Variants in EPHB2 observed in about 807,000 individuals in gnomAD.
EPHB2 encodes EPH receptor B2, also known as ephrin type-B receptor 2.
EPHB2 carries 18 observed loss-of-function variants against 96.4 expected under a neutral mutation model. The observed-to-expected ratio is 0.19, with a 90% CI of 0.13 to 0.28. The LOEUF is 0.28. Among genes scored for constraint, EPHB2 ranks in the 10% least tolerant of loss-of-function variants. The pLI, the probability that EPHB2 is intolerant of heterozygous loss-of-function variation, is 1.00. For missense variants in EPHB2, 989 were observed against 1,355.4 expected, an observed-to-expected ratio of 0.73 and a Z score of 4.25; for synonymous variants, 506 against 534.1, an observed-to-expected ratio of 0.95 and a Z score of 0.72.
At chr1:22,785,503 G>A (rs998001202) in intron 3 of EPHB2, among the ~76,000 whole-genome samples, 14 of 152,234 alleles carry the variant, frequency 9.2e-5, no homozygotes, top group South Asian at 4.1e-4. Flanking sequence ...AGACAATGCT[G>A]AAGTGACCAA....
At chr1:22,832,961 ATG>A (rs1214155357) in intron 3 of EPHB2, among the ~76,000 whole-genome samples, 1 of 152,126 alleles carries the variant, frequency 6.6e-6, no homozygotes, top group East Asian at 1.9e-4. Context: ...GACAGGGAGA[ATG>A]TTCTGGAACA....
rs1388127143 is a variant in EPHB2, at chr1:22,858,328, G to A, written c.812-4709G>A. ...TATTCTAAGTGCAGTGGGGATAAAT[G>A]GTGCACGAGGGAGTTTAGACAAGAT... On this transcript the variant is annotated intron_variant, in intron 3 of 15. Transcript: ENST00000374630. This position sits in a 1 kb window ranked among gnomAD's most constrained non-coding sequence, Gnocchi z 7.7. Among the ~76,000 whole-genome samples, 1 of 152,128 alleles carries A rather than the reference G, an allele frequency of 6.6e-6. No homozygotes were observed. The highest frequency in any genetic ancestry group is 2.1e-4 in the South Asian group (1 of 4,822).
chr1:22,781,019 G>A lies in EPHB2; in HGVS notation c.62-402G>A, dbSNP rs527312764. ...CGGGGCTCTCAGTAAAGAAGGATGA[G>A]GGCCCGGCCGTGAGGGTCTGGCCGG... On this transcript the variant is annotated intron_variant, in intron 1 of 15. Coordinates refer to ENST00000374630, the MANE Select transcript of EPHB2 (RefSeq NM_017449.5). Among the ~76,000 whole-genome samples the A allele has an allele frequency of 2.0e-5, 3 of 152,192 alleles. No homozygotes were observed. The South Asian group carries it at 6.2e-4, about 32-fold the overall frequency.
intron 3 of EPHB2, among the ~76,000 whole-genome samples, chr1:22,797,286 T>C (rs1017302259): frequency 1.3e-5 from 2 of 152,138 alleles, no homozygotes; most frequent in Non-Finnish European, 2.9e-5. Flanking sequence ...AGGCCTCCAG[T>C]GATGTCCATG....
chr1:22,840,231 G>C, intron 3 of EPHB2, among the ~76,000 whole-genome samples: 1 of 152,186 alleles, frequency 6.6e-6, no homozygotes, highest in South Asian at 2.1e-4. Flanking sequence ...AAAGCCTCTA[G>C]CGTGGTGTGT....
chr1:22,736,762 CT>C (rs1295096663), intron 1 of EPHB2, among the ~76,000 whole-genome samples: 2 of 152,190 alleles, frequency 1.3e-5, no homozygotes, highest in Admixed American at 1.3e-4. Context: ...AGAGAGGAGC[CT>C]TTTTTTCCCA....
At chr1:22,740,523 A>G (rs913566792) in intron 1 of EPHB2, among the ~76,000 whole-genome samples, 1 of 152,098 alleles carries the variant, frequency 6.6e-6, no homozygotes, top group African/African-American at 2.4e-5. Flanking sequence ...GCATTGAGTA[A>G]GCATGCCCTC....
intron 3 of EPHB2, among the ~76,000 whole-genome samples, chr1:22,844,968 G>C (rs1367502966): frequency 2.0e-5 from 3 of 152,212 alleles, no homozygotes; most frequent in Admixed American, 2.0e-4. Flanking sequence ...TGTGCTCCTG[G>C]CCAGGCCACT....
intron 1 of EPHB2, among the ~76,000 whole-genome samples, chr1:22,768,859 T>C (rs1644341936): frequency 6.6e-6 from 1 of 152,086 alleles, no homozygotes; most frequent in Non-Finnish European, 1.5e-5. Context: ...CTCCTGGTGC[T>C]TCCTCTTTCC....
chr1:22,907,328 G>T (rs910972771), intron 11 of EPHB2, among the ~76,000 whole-genome samples: 7 of 152,144 alleles, frequency 4.6e-5, no homozygotes, highest in African/African-American at 1.7e-4. Flanking sequence ...TCACCCAGAG[G>T]GTCAAGATGA....
intron 1 of EPHB2, among the ~76,000 whole-genome samples, chr1:22,752,765 A>T (rs1281406008): frequency 2.0e-5 from 3 of 151,670 alleles, no homozygotes; most frequent in South Asian, 2.1e-4. Context: ...TTATACTTAC[A>T]CGTACACACA....
chr1:22,715,075 C>T (rs923729514), intron 1 of EPHB2, among the ~76,000 whole-genome samples: 7 of 152,114 alleles, frequency 4.6e-5, no homozygotes, highest in Admixed American at 1.3e-4. Context: ...CCCAGCCATG[C>T]GGGTGCTCAG....
rs920847046 is a variant in EPHB2, at chr1:22,790,548, C to G, written c.811+5472C>G. 6.6e-6 allele frequency among the ~76,000 whole-genome samples: 1 copy of G among 152,154 alleles called. No individual in the cohort carries two copies. Among genetic ancestry groups the G allele is most frequent in the African/African-American group, 2.4e-5 (1 of 41,440 alleles). On this transcript the variant is annotated intron_variant, in intron 3 of 15. Coordinates refer to ENST00000374630, the MANE Select transcript of EPHB2 (RefSeq NM_017449.5). The surrounding 1 kb of genome is among the most constrained non-coding windows in gnomAD (Gnocchi z 4.0). ...AGGTGTGATTGTGAATGTTCCCCTGCCCCAGTTTCTCCAAGCCTGCCTGTC... is the reference window on the plus strand; with the variant it reads ...AGGTGTGATTGTGAATGTTCCCCTGGCCCAGTTTCTCCAAGCCTGCCTGTC...
rs1035909113 is a variant in EPHB2, at chr1:22,875,322, G to A, written c.1304-7037G>A. Reference sequence around the variant, plus strand: ...GGGAATTCTAAGAGTCCCGTCCCAAGTAAACTGTCCCTGCTACAGACCCTG... The same window carrying A: ...GGGAATTCTAAGAGTCCCGTCCCAAATAAACTGTCCCTGCTACAGACCCTG... On this transcript the variant is annotated intron_variant, in intron 5 of 15. Coordinates refer to ENST00000374630, the MANE Select transcript of EPHB2 (RefSeq NM_017449.5). This position sits in a 1 kb window ranked among gnomAD's most constrained non-coding sequence, Gnocchi z 4.2. Among the ~76,000 whole-genome samples, 3 of 152,224 alleles carry A rather than the reference G, an allele frequency of 2.0e-5. No individual in the cohort carries two copies. The highest frequency in any genetic ancestry group is 4.4e-5 in the Non-Finnish European group (3 of 68,040).
intron 9 of EPHB2, among the ~76,000 whole-genome samples, chr1:22,901,039 G>A (rs1405515260): frequency 6.6e-6 from 1 of 152,222 alleles, no homozygotes; most frequent in Non-Finnish European, 1.5e-5. Flanking sequence ...CCTCGGGGAA[G>A]CCATCAAACC....
intron 1 of EPHB2, among the ~76,000 whole-genome samples, chr1:22,744,517 T>C (rs1570193610): frequency 6.7e-6 from 1 of 148,516 alleles, no homozygotes. Context: ...AGAGAAAAAA[T>C]ATTATGAAAA....
intron 3 of EPHB2, among the ~76,000 whole-genome samples, chr1:22,787,064 G>A (rs947853057): frequency 2.6e-5 from 4 of 152,228 alleles, no homozygotes; most frequent in Admixed American, 2.6e-4. Context: ...TAGACCTTAT[G>A]TTGAGCATCA....
chr1:22,758,161 G>T (rs962315933), intron 1 of EPHB2, among the ~76,000 whole-genome samples: 1 of 146,324 alleles, frequency 6.8e-6, no homozygotes, highest in Non-Finnish European at 1.5e-5. Context: ...CTCGTGATCC[G>T]CCCGCCTCGG....
Position 22,846,463 on chromosome 1 carries a change from G to C in EPHB2, c.812-16574G>C, listed in dbSNP as rs552306485. Among the ~76,000 whole-genome samples, 1 of 151,236 alleles carries C rather than the reference G, an allele frequency of 6.6e-6. No individual in the cohort carries two copies. ...AAAAGAAAGTCCTAGGTCAGGGACC[G>C]GGCAGACTTCTTCCTGATTTCTCCA... On this transcript the variant is annotated intron_variant, in intron 3 of 15. Coordinates refer to ENST00000374630, the MANE Select transcript of EPHB2 (RefSeq NM_017449.5). The surrounding 1 kb of genome is among the most constrained non-coding windows in gnomAD (Gnocchi z 4.3).
Sources: allele counts gnomAD v4.1 joint callset (sites outside exome capture counted in the v4.1 genomes callset), GRCh38; gene constraint gnomAD v4.1.1; non-coding constraint Gnocchi (gnomAD v3.1); transcripts MANE v1.5; gene names NCBI Gene and HGNC (gene_info 2026-07-23, HGNC 2026-07-21).